ZNF814: variants seen among roughly 807,000 people sequenced by gnomAD.
The protein encoded by ZNF814 is zinc finger protein 814.
In ZNF814, 5 loss-of-function variants were observed where a neutral mutation model predicts 7.5. The observed-to-expected ratio is 0.67, with a 90% CI of 0.35 to 1.40. The LOEUF is 1.40. ZNF814 is among the 40% of genes most tolerant of loss of function. The pLI is 0.04. For synonymous variants in ZNF814, 315 were observed against 340.7 expected (o/e 0.92, Z 0.83); for missense variants, 962 against 1,018.0 (o/e 0.94, Z 0.75).
In ZNF814 at chr19:57,873,956, G is replaced by A; in HGVS notation, c.1434C>T (p.Ser478=). 6.2e-7 allele frequency: 1 copy of A among 1,613,914 alleles called. No individual in the cohort carries two copies. Among genetic ancestry groups the A allele is most frequent in the Non-Finnish European group, 8.5e-7 (1 of 1,179,940 alleles). Residue 478 remains serine, a synonymous_variant, in exon 3 of 3, where the codon AGC becomes AGT. Transcript: ENST00000435989. The part of the protein sequence containing the change: ...ECVKSFSHKR[S]LVHHQRVHSG... ...TGTGAACTCGCTGATGGTGAACAAG[G>A]CTGCGCTTATGACTGAAAGATTTCA...
chr19:57,882,837 T>G (rs1385565227), intron 1 of ZNF814, among the ~76,000 whole-genome samples: 1 of 151,156 alleles, frequency 6.6e-6, no homozygotes, highest in African/African-American at 2.5e-5. Context: ...ACCTAACTGT[T>G]TAATGCCCAG....
At chr19:57,901,563 G>A in the ZNF814 span, 1 of 398,478 alleles carries the variant, frequency 2.5e-6, no homozygotes, top group African/African-American at 2.1e-5. Context: ...GCCACACCAG[G>A]AAGAGAGGAC....
Position 57,871,608 on chromosome 19 carries a change from T to C in ZNF814, c.*1214A>G, listed in dbSNP as rs986695585. 6.6e-6 allele frequency: 1 copy of C among 151,022 alleles called. No individual in the cohort carries two copies. Among genetic ancestry groups the C allele is most frequent in the Non-Finnish European group, 1.5e-5 (1 of 67,790 alleles). 9.4% of individuals were successfully genotyped at this position (151,022 alleles called of 1,614,324 possible). A position where few individuals can be genotyped will look rare whatever the true frequency, so the allele number is the denominator to read the frequency against. Reference sequence around the variant, plus strand: ...GTTCTTAGGATCATGACTTGGAGGGTAGAAAATTTGTCAAGATTGATGTGA... The same window carrying C: ...GTTCTTAGGATCATGACTTGGAGGGCAGAAAATTTGTCAAGATTGATGTGA... On this transcript the variant is annotated 3_prime_UTR_variant, in exon 3 of 3. Coordinates refer to ENST00000435989, the MANE Select transcript of ZNF814 (RefSeq NM_001144989.2).
the ZNF814 span, among the ~76,000 whole-genome samples, chr19:57,901,308 G>A: frequency 5.3e-5 from 8 of 152,084 alleles, no homozygotes; most frequent in African/African-American, 7.2e-5. Flanking sequence ...ATTACACCTC[G>A]CTTTATTAAC....
At chr19:57,887,342 G>C (rs571615000) in intron 1 of ZNF814, among the ~76,000 whole-genome samples, 1 of 152,342 alleles carries the variant, frequency 6.6e-6, no homozygotes, top group African/African-American at 2.4e-5. Flanking sequence ...TGCTGCCTAA[G>C]GCTCTGCCAC....
chr19:57,875,608 GTA>G (rs1442591560), intron 2 of ZNF814, among the ~76,000 whole-genome samples: 1 of 152,188 alleles, frequency 6.6e-6, no homozygotes, highest in Non-Finnish European at 1.5e-5. Context: ...GTTTAACAAA[GTA>G]TATATATTCG....
chr19:57,892,918 C>A (rs927094981), upstream of ZNF814, among the ~76,000 whole-genome samples: 2 of 152,218 alleles, frequency 1.3e-5, no homozygotes, highest in African/African-American at 2.4e-5. Context: ...GATGATGGGG[C>A]CCAACCAGGG....
chr19:57,896,942 A>C, the ZNF814 span, among the ~76,000 whole-genome samples: 3 of 152,168 alleles, frequency 2.0e-5, no homozygotes, highest in African/African-American at 7.2e-5. This position sits in a 1 kb window ranked among gnomAD's most constrained non-coding sequence, Gnocchi z 4.2. Context: ...GTCAGTCCTA[A>C]TTGGGGTCAA....
chr19:57,898,466 C>T, the ZNF814 span, among the ~76,000 whole-genome samples: 2 of 152,300 alleles, frequency 1.3e-5, no homozygotes, highest in African/African-American at 4.8e-5. Flanking sequence ...TTTTTAGGAG[C>T]GGCTATTGCT....
intron 1 of ZNF814, among the ~76,000 whole-genome samples, chr19:57,884,508 C>G (rs1354617802): frequency 6.6e-6 from 1 of 152,116 alleles, no homozygotes. Flanking sequence ...GTCCCTGCCA[C>G]TTGGGAGACT....
At chr19:57,897,149 C>T in the ZNF814 span, among the ~76,000 whole-genome samples, 1 of 152,262 alleles carries the variant, frequency 6.6e-6, no homozygotes, top group African/African-American at 2.4e-5. Flanking sequence ...ACTGACAAAA[C>T]AGCTCAAGAT....
At chr19:57,892,375 TAG>T (rs2071738759), upstream of ZNF814, among the ~76,000 whole-genome samples, 1 of 152,204 alleles carries the variant, frequency 6.6e-6, no homozygotes, top group Non-Finnish European at 1.5e-5. Flanking sequence ...TTGGTGGAGT[TAG>T]AGTCTCTCCT....
In ZNF814 at chr19:57,873,104, A is replaced by G. The variant is rs779941370; in HGVS notation, c.2286T>C (p.His762=). The G allele has an allele frequency of 3.1e-6, 5 of 1,613,710 alleles. No homozygotes were observed. The Admixed American group carries it at 6.7e-5, about 22-fold the overall frequency. Residue 762 remains histidine, a synonymous_variant, in exon 3 of 3, where the codon CAT becomes CAC. Transcript: ENST00000435989. ...GCTTTTCTCCAGTGTGAATTCGCTT[A>G]TGAACACAGAATGTAGAGCTGTGGG... is the stretch of plus-strand genomic sequence containing the variant. ...SFTHSSTFCV[H]KRIHTGEKPY...
At chr19:57,898,868 A>G in the ZNF814 span, among the ~76,000 whole-genome samples, 1 of 148,070 alleles carries the variant, frequency 6.8e-6, no homozygotes, top group African/African-American at 2.5e-5. Flanking sequence ...TGAACCAGGG[A>G]GGCGGAGCTT....
chr19:57,873,150 T>C lies in ZNF814; in HGVS notation c.2240A>G (p.Asn747Ser), dbSNP rs771307793. ...VHTGERPYEC[N>S]DCGKSFTHSS... is the part of the protein sequence containing the mutation. ...GTGGGTAAATGATTTTCCACAATCA[T>C]TGCATTCATAAGGCCTTTCTCCAGT... The change falls in exon 3 of 3, where the codon AAT becomes AGT. Residue 747 changes from asparagine to serine, a missense_variant. Around this residue, in one of 7 missense-constraint regions of ZNF814, gnomAD observed 665 missense variants for 551.4 expected, o/e 1.21. Coordinates refer to ENST00000435989, the MANE Select transcript of ZNF814 (RefSeq NM_001144989.2). 52 of 1,611,836 alleles carry C rather than the reference T, an allele frequency of 3.2e-5. No homozygotes were observed. The East Asian group carries it at 5.6e-4, about 17-fold the overall frequency.
chr19:57,872,542 G>T lies in ZNF814; in HGVS notation c.*280C>A, dbSNP rs1261298807. On this transcript the variant is annotated 3_prime_UTR_variant, in exon 3 of 3. Coordinates refer to ENST00000435989, the MANE Select transcript of ZNF814 (RefSeq NM_001144989.2). Reference sequence around the variant, plus strand: ...ATATTCAAGGAGAAAAGACCTTCAGGTAACTTTTTTCCCACATTTGCTGCA... The same window carrying T: ...ATATTCAAGGAGAAAAGACCTTCAGTTAACTTTTTTCCCACATTTGCTGCA... 2 of 759,790 alleles carry T rather than the reference G, an allele frequency of 2.6e-6. No individual in the cohort carries two copies. Among genetic ancestry groups the T allele is most frequent in the African/African-American group, 1.7e-5 (1 of 57,508 alleles). 47.1% of individuals were successfully genotyped at this position (759,790 alleles called of 1,614,324 possible). A position where few individuals can be genotyped will look rare whatever the true frequency, so the allele number is the denominator to read the frequency against.
chr19:57,877,033 T>G lies in ZNF814; in HGVS notation c.46A>C (p.Thr16Pro), dbSNP rs1447471178. 6.2e-7 allele frequency: 1 copy of G among 1,614,096 alleles called. No homozygotes were observed. The highest frequency in any genetic ancestry group is 1.1e-5 in the South Asian group (1 of 91,084). The change falls in exon 2 of 3, where the codon ACT (threonine) becomes CCT (proline). Residue 16 changes from threonine (T) to proline (P), a missense_variant. Physicochemically the swap from Thr to Pro is conservative, Grantham distance 38. Around this residue, in one of 7 missense-constraint regions of ZNF814, gnomAD observed 63 missense variants for 65.0 expected, o/e 0.97. Transcript: ENST00000435989. ...AAGTTCACAGCCACATCTTCAAAAG[T>G]CACTGTGCCCTGTTATGATGTTGAC... ...TLRLSAQGTV[T>P]FEDVAVNFTW...
Position 57,873,485 on chromosome 19 carries a change from T to G in ZNF814, c.1905A>C (p.Gly635=). 1 of 1,614,096 alleles carries G rather than the reference T, an allele frequency of 6.2e-7. No homozygotes were observed. The highest frequency in any genetic ancestry group is 8.5e-7 in the Non-Finnish European group (1 of 1,180,012). ...MHTGERPYKC[G]DCGKSFNEKG... ...TTTCATTAAAAGATTTCCCACAGTC[T>G]CCACACTTGTAAGGTCTTTCTCCAG... The change falls in exon 3 of 3, where the codon GGA becomes GGC. Residue 635 remains glycine (G), a synonymous_variant. Coordinates refer to ENST00000435989, the MANE Select transcript of ZNF814 (RefSeq NM_001144989.2).
At chr19:57,876,011 A>G (rs1422148049) in intron 2 of ZNF814, among the ~76,000 whole-genome samples, 2 of 115,856 alleles carry the variant, frequency 1.7e-5, no homozygotes, top group African/African-American at 6.7e-5. Flanking sequence ...CCCAGGCTGG[A>G]GTGCAGTGGT....
Sources: gnomAD v4.1 joint callset for allele counts (sites outside exome capture counted in the v4.1 genomes callset) on GRCh38, gnomAD v4.1.1 for gene constraint, gnomAD v4.1.1 regional missense constraint, Gnocchi (gnomAD v3.1) non-coding constraint, MANE v1.5 for transcripts, NCBI Gene and HGNC (gene_info 2026-07-23, HGNC 2026-07-21) for gene names.